The following TRAPPC9 variants were observed in gnomAD, a reference collection of about 807,000 sequenced individuals.
TRAPPC9 encodes the protein trafficking protein particle complex subunit 9.
In TRAPPC9, 83 loss-of-function variants were observed where a neutral mutation model predicts 124.0. The observed-to-expected ratio is 0.67, with a 90% CI of 0.56 to 0.80. The LOEUF is 0.80. Among genes scored for constraint, TRAPPC9 ranks in the 30% least tolerant of loss-of-function variants. The pLI is 0.00. For synonymous variants in TRAPPC9, 638 were observed against 617.5 expected (o/e 1.03, Z -0.49); for missense variants, 1,302 against 1,508.3 (o/e 0.86, Z 2.27).
intron 21 of TRAPPC9, among the ~76,000 whole-genome samples, chr8:139,741,244 G>A (rs573530323): frequency 6.6e-5 from 10 of 152,320 alleles, no homozygotes; most frequent in African/African-American, 2.4e-4. Flanking sequence ...TGCTCCTCTG[G>A]TTGTCAACAA....
intron 16 of TRAPPC9, among the ~76,000 whole-genome samples, chr8:140,230,161 C>T (rs1488412982): frequency 2.6e-5 from 4 of 152,356 alleles, no homozygotes; most frequent in South Asian, 2.1e-4. Flanking sequence ...ACCAAGACTG[C>T]ATGTGGCACC....
intron 21 of TRAPPC9, among the ~76,000 whole-genome samples, chr8:139,802,126 C>A (rs1823578440): frequency 6.6e-6 from 1 of 152,206 alleles, no homozygotes; most frequent in Non-Finnish European, 1.5e-5. Context: ...CCACGCAACC[C>A]AGTACAGAAC....
At chr8:140,171,132 A>G (rs4736022) in intron 17 of TRAPPC9, among the ~76,000 whole-genome samples, 25,765 of 152,166 alleles carry the variant, frequency 0.17, 2,742 homozygotes, top group Admixed American at 0.25. Context: ...AAATGAGCTG[A>G]TAAATGACCT....
chr8:140,148,733 G>A (rs1438139877), intron 17 of TRAPPC9, among the ~76,000 whole-genome samples: 2 of 152,184 alleles, frequency 1.3e-5, no homozygotes, highest in Non-Finnish European at 2.9e-5. Flanking sequence ...AATTCATTTA[G>A]AGACTCATAT....
intron 15 of TRAPPC9, among the ~76,000 whole-genome samples, chr8:140,264,629 G>A (rs943549402): frequency 1.4e-5 from 2 of 147,320 alleles, no homozygotes; most frequent in Admixed American, 1.3e-4. Flanking sequence ...AGAGAGAGCG[G>A]AGGGGGAGGG....
At chr8:140,298,146 A>C (rs2065865569) in intron 11 of TRAPPC9, among the ~76,000 whole-genome samples, 1 of 152,236 alleles carries the variant, frequency 6.6e-6, no homozygotes, top group South Asian at 2.1e-4. Context: ...AACTAGAATA[A>C]AAGAAATGAT....
chr8:140,336,170 T>C (rs1180782789), intron 9 of TRAPPC9, among the ~76,000 whole-genome samples: 5 of 152,194 alleles, frequency 3.3e-5, no homozygotes. Flanking sequence ...TTCTCCCCCA[T>C]GATGAAGCAT....
intron 19 of TRAPPC9, among the ~76,000 whole-genome samples, chr8:139,968,577 T>C (rs2131597451): frequency 6.6e-6 from 1 of 152,340 alleles, no homozygotes; most frequent in Non-Finnish European, 1.5e-5. Context: ...GGAGACGTTG[T>C]CTACTCCGGA....
chr8:140,193,680 T>C (rs1293689716), intron 17 of TRAPPC9, among the ~76,000 whole-genome samples: 1 of 140,330 alleles, frequency 7.1e-6, no homozygotes, highest in Non-Finnish European at 1.5e-5. Context: ...TGCTAGAAAG[T>C]CCACTGGAAA....
In TRAPPC9 at chr8:140,349,313, A is replaced by G. The variant is rs369304567; in HGVS notation, c.1495+10737T>C. Among the ~76,000 whole-genome samples the G allele has an allele frequency of 1.8e-4, 23 of 126,890 alleles. No individual in the cohort carries two copies. The East Asian group carries it at 3.7e-3, about 20-fold the overall frequency. The allele number at this position is 126,890 out of a possible 152,430, so 83.2% of individuals were successfully genotyped here. ...GGCACACCAGGGGGCTGAAGGAGGC[A>G]CGCAAGGAGAGGGCACACAAGGGGG... is the stretch of plus-strand genomic sequence containing the variant. On this transcript the variant is annotated intron_variant, in intron 9 of 22. Transcript: ENST00000438773.
chr8:139,814,529 T>C (rs943441763), intron 21 of TRAPPC9, among the ~76,000 whole-genome samples: 1 of 152,154 alleles, frequency 6.6e-6, no homozygotes, highest in Non-Finnish European at 1.5e-5. Context: ...GAGGCTCCTC[T>C]GGGCCCAGTT....
At chr8:140,106,729 A>G (rs552382805) in intron 17 of TRAPPC9, among the ~76,000 whole-genome samples, 2 of 152,216 alleles carry the variant, frequency 1.3e-5, no homozygotes, top group East Asian at 1.9e-4. Flanking sequence ...TTCCCACGAA[A>G]AAAAGAGGAT....
intron 21 of TRAPPC9, among the ~76,000 whole-genome samples, chr8:139,770,148 C>T (rs1820863791): frequency 6.6e-6 from 1 of 152,124 alleles, no homozygotes; most frequent in Non-Finnish European, 1.5e-5. Context: ...TCTTCAGGAC[C>T]CTTCATTTCC....
intron 21 of TRAPPC9, among the ~76,000 whole-genome samples, chr8:139,803,059 G>A (rs770243108): frequency 2.0e-5 from 3 of 152,062 alleles, no homozygotes; most frequent in East Asian, 1.9e-4. Context: ...TCTGTGTGCC[G>A]TCGTGTGACT....
chr8:140,015,939 C>G (rs1281380813), intron 18 of TRAPPC9, among the ~76,000 whole-genome samples: 1 of 152,218 alleles, frequency 6.6e-6, no homozygotes, highest in Non-Finnish European at 1.5e-5. Context: ...GGCGCTAGGT[C>G]CTGGGAGGCA....
rs1285348223 is a variant in TRAPPC9 at position 140,106,141 on chromosome 8, C to A, written c.2557-82062G>T. ...CTCAGCTCAACCTTCAGAACAAAGG[C>A]AAGGTCAGTGTTGCCAGGACGAAAG... On this transcript the variant is annotated intron_variant, in intron 17 of 22. Transcript: ENST00000438773. Among the ~76,000 whole-genome samples, 4 of 151,992 alleles carry A rather than the reference C, an allele frequency of 2.6e-5. No individual in the cohort carries two copies. In the East Asian group the frequency reaches 7.7e-4, roughly 29 times the overall value.
At chr8:139,908,983 T>C (rs762282123) in intron 20 of TRAPPC9, among the ~76,000 whole-genome samples, 1 of 152,204 alleles carries the variant, frequency 6.6e-6, no homozygotes, top group African/African-American at 2.4e-5. Flanking sequence ...TCTATCTACA[T>C]GTAAAGTGCT....
intron 21 of TRAPPC9, among the ~76,000 whole-genome samples, chr8:139,805,280 C>G (rs1823967469): frequency 6.6e-6 from 1 of 152,218 alleles, no homozygotes; most frequent in Admixed American, 6.5e-5. Flanking sequence ...CCTGGGCTGC[C>G]TCCTGCCTGG....
intron 11 of TRAPPC9, among the ~76,000 whole-genome samples, chr8:140,291,923 G>A (rs577428517): frequency 6.6e-5 from 10 of 152,322 alleles, no homozygotes; most frequent in Admixed American, 3.9e-4. Flanking sequence ...GAGGAGTCGT[G>A]AGAGCAGGCC....
Sources: allele counts gnomAD v4.1 joint callset (sites outside exome capture counted in the v4.1 genomes callset), GRCh38; gene constraint gnomAD v4.1.1; transcripts MANE v1.5; gene names NCBI Gene and HGNC (gene_info 2026-07-23, HGNC 2026-07-21).